CTIF: variants seen among roughly 807,000 people sequenced by gnomAD.
The protein encoded by CTIF is CBP80/20-dependent translation initiation factor.
A neutral mutation model predicts 66.0 loss-of-function variants in CTIF; 21 were observed. The observed-to-expected ratio is 0.32, with a 90% confidence interval of 0.23 to 0.46. CTIF has a LOEUF of 0.46. CTIF is among the 20% of genes least tolerant of loss of function. The pLI is 1.00. For missense variants in CTIF, 739 were observed against 812.7 expected (o/e 0.91, Z 1.10); for synonymous variants, 345 against 326.4 (o/e 1.06, Z -0.62).
At chr18:48,830,534 A>G (rs1027477888) in intron 10 of CTIF, among the ~76,000 whole-genome samples, 22 of 151,826 alleles carry the variant, frequency 1.4e-4, no homozygotes, top group African/African-American at 5.3e-4. Flanking sequence ...GAGGTACACC[A>G]CCCCCAAAAA....
chr18:48,829,646 C>A (rs2068650446), intron 10 of CTIF, among the ~76,000 whole-genome samples: 1 of 152,212 alleles, frequency 6.6e-6, no homozygotes, highest in South Asian at 2.1e-4. Flanking sequence ...GTGCTGGACC[C>A]ACTGCTAGGC....
intron 9 of CTIF, among the ~76,000 whole-genome samples, chr18:48,812,206 G>A (rs916790792): frequency 1.3e-5 from 2 of 152,046 alleles, no homozygotes; most frequent in African/African-American, 2.4e-5. Flanking sequence ...TCAAGCGATC[G>A]ACCTGCCTTG....
At chr18:48,850,663 G>A (rs2069179793) in intron 10 of CTIF, among the ~76,000 whole-genome samples, 1 of 152,246 alleles carries the variant, frequency 6.6e-6, no homozygotes, top group African/African-American at 2.4e-5. Flanking sequence ...GAGGGCAATG[G>A]CACTGACGGG....
At chr18:48,756,792 C>T (rs1295875959) in intron 7 of CTIF, among the ~76,000 whole-genome samples, 3 of 152,208 alleles carry the variant, frequency 2.0e-5, no homozygotes, top group Non-Finnish European at 4.4e-5. Context: ...CTTTTGGCCA[C>T]AACTCAAAAG....
intron 9 of CTIF, among the ~76,000 whole-genome samples, chr18:48,776,189 C>T (rs1214598678): frequency 6.6e-6 from 1 of 152,226 alleles, no homozygotes; most frequent in Non-Finnish European, 1.5e-5. Context: ...ATACCCGCCA[C>T]CCCTCCCTGG....
intron 9 of CTIF, among the ~76,000 whole-genome samples, chr18:48,780,061 C>T (rs1911063622): frequency 6.6e-6 from 1 of 152,146 alleles, no homozygotes; most frequent in Non-Finnish European, 1.5e-5. Flanking sequence ...GGCTGTGTAC[C>T]TCCGTTGCCT....
intron 1 of CTIF, among the ~76,000 whole-genome samples, chr18:48,574,578 G>A (rs368943212): frequency 1.3e-5 from 2 of 152,174 alleles, no homozygotes; most frequent in African/African-American, 4.8e-5. Context: ...TCTTCTCTGC[G>A]TGGTGTCTGT....
At chr18:48,779,068 A>G (rs1043150008) in intron 9 of CTIF, among the ~76,000 whole-genome samples, 8 of 152,186 alleles carry the variant, frequency 5.3e-5, no homozygotes, top group South Asian at 2.1e-4. Flanking sequence ...AAACTGGGGT[A>G]ATAGATAATA....
chr18:48,599,259 A>C (rs1438965926), intron 1 of CTIF, among the ~76,000 whole-genome samples: 2 of 152,018 alleles, frequency 1.3e-5, no homozygotes, highest in African/African-American at 4.8e-5. Context: ...CTGAAAGGAC[A>C]CAGACTCCTC....
At chr18:48,839,688 T>G (rs897002429) in intron 10 of CTIF, among the ~76,000 whole-genome samples, 1 of 152,232 alleles carries the variant, frequency 6.6e-6, no homozygotes, top group African/African-American at 2.4e-5. Context: ...GATCTGCTTA[T>G]GCAACATCTG....
In CTIF at chr18:48,585,787, G is replaced by C. The variant is rs555295156; in HGVS notation, c.-28-33751G>C. Among the ~76,000 whole-genome samples the C allele has an allele frequency of 9.8e-5, 15 of 152,298 alleles. No individual in the cohort carries two copies. The South Asian group carries it at 1.4e-3, about 15-fold the overall frequency. ...CATTGACCACTGTTCCCACCTCCCA[G>C]GGACAGAATCGGCTCAGAGCGTTTC... On this transcript the variant is annotated intron_variant, in intron 1 of 11. Coordinates refer to ENST00000256413, the MANE Select transcript of CTIF (RefSeq NM_014772.3).
chr18:48,603,871 G>C (rs1404366740), intron 1 of CTIF, among the ~76,000 whole-genome samples: 2 of 140,302 alleles, frequency 1.4e-5, no homozygotes, highest in African/African-American at 5.3e-5. Context: ...TTTTTTTTGA[G>C]ATGGAGTCTC....
chr18:48,626,000 CTTTTTTTTT>C (rs74174709), intron 2 of CTIF, among the ~76,000 whole-genome samples: 1 of 109,174 alleles, frequency 9.2e-6, no homozygotes, highest in Non-Finnish European at 1.8e-5. Context: ...CTTTTTCTTT[CTTTTTTTTT>C]TTTTTTTTTT....
intron 6 of CTIF, among the ~76,000 whole-genome samples, chr18:48,681,738 C>G (rs570741079): frequency 6.6e-6 from 1 of 152,230 alleles, no homozygotes; most frequent in East Asian, 1.9e-4. Flanking sequence ...GTCCTTCCCA[C>G]CTCATCCACC....
intron 9 of CTIF, among the ~76,000 whole-genome samples, chr18:48,790,836 A>G (rs1365442860): frequency 2.0e-5 from 3 of 152,070 alleles, no homozygotes; most frequent in Non-Finnish European, 4.4e-5. Context: ...CGTGCTGGGG[A>G]ACACGTCCTC....
intron 6 of CTIF, among the ~76,000 whole-genome samples, chr18:48,680,962 C>T (rs796587940): frequency 2.8e-4 from 43 of 152,292 alleles, no homozygotes; most frequent in African/African-American, 1.0e-3. Context: ...GTGGAGGGGG[C>T]GGGGACGGAC....
intron 10 of CTIF, among the ~76,000 whole-genome samples, chr18:48,833,475 C>T (rs1012087840): frequency 2.0e-5 from 3 of 152,090 alleles, no homozygotes; most frequent in African/African-American, 4.8e-5. Flanking sequence ...TCTAAATGCC[C>T]CCCTGCCCCC....
At chr18:48,545,167 G>A (rs1422269786) in intron 1 of CTIF, among the ~76,000 whole-genome samples, 1 of 152,212 alleles carries the variant, frequency 6.6e-6, no homozygotes, top group Admixed American at 6.5e-5. Flanking sequence ...AGGCTGCCTG[G>A]GTGTAGGAAG....
At chr18:48,629,298 CTA>C (rs1195248404) in intron 2 of CTIF, among the ~76,000 whole-genome samples, 3 of 152,200 alleles carry the variant, frequency 2.0e-5, no homozygotes. Flanking sequence ...TTTAAAATAA[CTA>C]TGCATTTTGA....
Sources: allele counts gnomAD v4.1 joint callset (sites outside exome capture counted in the v4.1 genomes callset), GRCh38; gene constraint gnomAD v4.1.1; transcripts MANE v1.5; gene names NCBI Gene and HGNC (gene_info 2026-07-23, HGNC 2026-07-21).